Variants in RBFOX1 observed in about 807,000 individuals in gnomAD.
RBFOX1 encodes RNA binding protein fox-1 homolog 1.
Under a neutral mutation model 57.7 loss-of-function variants are expected in RBFOX1, and 8 were observed. The observed-to-expected ratio is 0.14, with a 90% CI of 0.08 to 0.25. RBFOX1 has a LOEUF of 0.25. RBFOX1 is among the 10% of genes least tolerant of loss of function. The pLI is 1.00. For synonymous variants in RBFOX1, 326 were observed against 222.4 expected (o/e 1.47, Z -4.15); for missense variants, 611 against 548.5 (o/e 1.11, Z -1.14).
At chr16:6,873,435 C>A (rs944919200) in intron 3 of RBFOX1, among the ~76,000 whole-genome samples, 2 of 152,100 alleles carry the variant, frequency 1.3e-5, no homozygotes, top group African/African-American at 4.8e-5. Flanking sequence ...CTACCTATTT[C>A]AAATAGGCTT....
At chr16:6,518,548 C>T (rs1009865173) in intron 2 of RBFOX1, among the ~76,000 whole-genome samples, 1 of 151,866 alleles carries the variant, frequency 6.6e-6, no homozygotes, top group Non-Finnish European at 1.5e-5. Context: ...CAAAATCATG[C>T]TCTGGCACCT....
chr16:7,175,098 A>G (rs2081392506), intron 4 of RBFOX1, among the ~76,000 whole-genome samples: 1 of 151,972 alleles, frequency 6.6e-6, no homozygotes, highest in Non-Finnish European at 1.5e-5. Flanking sequence ...TTTGTTACAT[A>G]GGTAAATGTA....
chr16:6,637,710 A>G (rs111444773), intron 2 of RBFOX1, among the ~76,000 whole-genome samples: 6,435 of 151,388 alleles, frequency 0.043, 177 homozygotes, highest in Non-Finnish European at 0.051. Context: ...ACAGCTGACC[A>G]TGAGTACAGG....
chr16:6,066,191 G>A (rs1011063581), intron 1 of RBFOX1, among the ~76,000 whole-genome samples: 7 of 150,044 alleles, frequency 4.7e-5, no homozygotes, highest in African/African-American at 1.7e-4. Context: ...CTACTTGGGA[G>A]GCTGTGGCAG....
rs545638998 is a variant in RBFOX1 at position 6,699,018 on chromosome 16, A to G, written c.-16+44368A>G. The stretch of plus-strand genomic sequence containing the variant: ...GAATGTGGCGTTGTTCTTGGTACAC[A>G]TTAGGTACTAAAAATGGGTGTTTCT... On this transcript the variant is annotated intron_variant, in intron 3 of 15. Coordinates refer to ENST00000550418, the MANE Select transcript of RBFOX1 (RefSeq NM_018723.4). 2.0e-5 allele frequency among the ~76,000 whole-genome samples: 3 copies of G among 152,310 alleles called. No individual in the cohort carries two copies. In the South Asian group the frequency reaches 6.2e-4, roughly 32 times the overall value.
intron 1 of RBFOX1, among the ~76,000 whole-genome samples, chr16:5,439,790 C>T (rs897281151): frequency 6.6e-6 from 1 of 152,020 alleles, no homozygotes; most frequent in African/African-American, 2.4e-5. Context: ...CTGGGGAGGC[C>T]TCAGGAAACT....
chr16:5,784,827 G>A (rs1375730501), intron 3 of RBFOX1, among the ~76,000 whole-genome samples: 2 of 152,112 alleles, frequency 1.3e-5, no homozygotes, highest in Non-Finnish European at 2.9e-5. Context: ...CACCATCTAT[G>A]AACCAGGAGG....
intron 3 of RBFOX1, among the ~76,000 whole-genome samples, chr16:5,770,289 G>T (rs2053934504): frequency 6.6e-6 from 1 of 152,196 alleles, no homozygotes. Flanking sequence ...CCAAGATGGT[G>T]ATGAAAGTGA....
At position 7,168,331 on chromosome 16, in the gene RBFOX1, A is replaced by C. The variant is rs146762073; in HGVS notation, c.27+116233A>C. 9.9e-5 allele frequency among the ~76,000 whole-genome samples: 15 copies of C among 152,252 alleles called. No individual in the cohort carries two copies. The East Asian group carries it at 2.9e-3, about 29-fold the overall frequency. On this transcript the variant is annotated intron_variant, in intron 4 of 15. Transcript: ENST00000550418. ...CTGTTTTGCAGCTGAGACATAAAGG[A>C]AGTGAAACCTTGTCTGATATGTGCT...
intron 3 of RBFOX1, among the ~76,000 whole-genome samples, chr16:6,896,316 T>C (rs2066899744): frequency 6.6e-6 from 1 of 152,212 alleles, no homozygotes; most frequent in African/African-American, 2.4e-5. Context: ...AAGTACACTC[T>C]TTTAGTTATT....
intron 4 of RBFOX1, among the ~76,000 whole-genome samples, chr16:7,170,717 A>G (rs538647260): frequency 6.6e-6 from 1 of 152,242 alleles, no homozygotes; most frequent in African/African-American, 2.4e-5. Flanking sequence ...ATCCTCACAT[A>G]CAGTGAAGTT....
At chr16:7,698,870 C>T (rs184692133) in intron 14 of RBFOX1, among the ~76,000 whole-genome samples, 1 of 152,066 alleles carries the variant, frequency 6.6e-6, no homozygotes, top group Non-Finnish European at 1.5e-5. Context: ...ATAACAATAC[C>T]CTATAAAGTG....
chr16:6,423,005 CT>C (rs1260764718), intron 2 of RBFOX1, among the ~76,000 whole-genome samples: 1 of 152,200 alleles, frequency 6.6e-6, no homozygotes, highest in African/African-American at 2.4e-5. Context: ...TTTTTTATGG[CT>C]GCATAGTATT....
At chr16:5,731,538 C>A (rs1381809840) in intron 3 of RBFOX1, among the ~76,000 whole-genome samples, 1 of 152,018 alleles carries the variant, frequency 6.6e-6, no homozygotes, top group African/African-American at 2.4e-5. Context: ...TTGTCTGAGT[C>A]CAAAGTAAAG....
At chr16:5,628,752 G>A (rs545140502) in intron 3 of RBFOX1, among the ~76,000 whole-genome samples, 1 of 152,274 alleles carries the variant, frequency 6.6e-6, no homozygotes, top group Non-Finnish European at 1.5e-5. Context: ...AAGTTCCAAG[G>A]GCAGGATTTT....
chr16:5,501,905 G>A (rs1227306091), intron 2 of RBFOX1, among the ~76,000 whole-genome samples: 2 of 151,270 alleles, frequency 1.3e-5, no homozygotes, highest in Admixed American at 1.3e-4. Context: ...TATTTTTTTT[G>A]TAGAGATGGG....
intron 4 of RBFOX1, among the ~76,000 whole-genome samples, chr16:7,317,251 A>G (rs2096461602): frequency 6.6e-6 from 1 of 152,168 alleles, no homozygotes; most frequent in Admixed American, 6.5e-5. Flanking sequence ...GCTGATGTTC[A>G]GCCAGAAGAG....
rs1367588326 is a variant in RBFOX1, at chr16:5,432,229, CA to C, written c.220-34986del. Among the ~76,000 whole-genome samples, 3 of 152,040 alleles carry C rather than the reference CA, an allele frequency of 2.0e-5. No homozygotes were observed. In the East Asian group the frequency reaches 5.8e-4, roughly 29 times the overall value. On this transcript the variant is annotated intron_variant, in intron 1 of 2. Transcript: ENST00000585867. ...AAAACACAATTCTGAAAGCATGGGACAGAATCAAATCGGCCTGTAAAAATAA... is the reference window on the plus strand; with the variant it reads ...AAAACACAATTCTGAAAGCATGGGACGAATCAAATCGGCCTGTAAAAATAA...
At chr16:6,644,698 T>C (rs1265023385) in intron 2 of RBFOX1, among the ~76,000 whole-genome samples, 1 of 152,198 alleles carries the variant, frequency 6.6e-6, no homozygotes, top group African/African-American at 2.4e-5. Flanking sequence ...ATGACTGCAA[T>C]AATCAATTTA....
Sources: gnomAD v4.1 joint callset for allele counts (sites outside exome capture counted in the v4.1 genomes callset) on GRCh38, gnomAD v4.1.1 for gene constraint, MANE v1.5 for transcripts, NCBI Gene and HGNC (gene_info 2026-07-23, HGNC 2026-07-21) for gene names.